CSMD1: variants seen among roughly 807,000 people sequenced by gnomAD.
The protein encoded by CSMD1 is CUB and Sushi multiple domains 1.
Under a neutral mutation model 417.5 loss-of-function variants are expected in CSMD1, and 213 were observed. The observed-to-expected ratio is 0.51, with a 90% CI of 0.46 to 0.57. CSMD1 has a LOEUF of 0.57. Among genes scored for constraint, CSMD1 ranks in the 20% least tolerant of loss-of-function variants. CSMD1 has a pLI of 0.00. For synonymous variants in CSMD1, 2,862 were observed against 1,736.8 expected (o/e 1.65, Z -16.11); for missense variants, 6,923 against 4,529.7 (o/e 1.53, Z -15.17).
At chr8:3,506,392 C>T (rs926962733) in intron 10 of CSMD1, among the ~76,000 whole-genome samples, 5 of 152,140 alleles carry the variant, frequency 3.3e-5, no homozygotes, top group Admixed American at 1.3e-4. Flanking sequence ...GGAGTAAACA[C>T]GTTTTTACAC....
intron 68 of CSMD1, 103 bp from the exon 69 acceptor site, chr8:2,942,707 C>A (rs571104487): frequency 2.4e-6 from 2 of 845,160 alleles, no homozygotes; most frequent in Non-Finnish European, 3.3e-6. Context: ...AAGAAGCAGA[C>A]GGAGTTGCCA....
chr8:3,780,022 G>C (rs1335895065), intron 5 of CSMD1, among the ~76,000 whole-genome samples: 1 of 152,112 alleles, frequency 6.6e-6, no homozygotes, highest in Non-Finnish European at 1.5e-5. Flanking sequence ...ACATGTTCCT[G>C]GTATTCACAC....
intron 3 of CSMD1, among the ~76,000 whole-genome samples, chr8:4,073,337 C>T (rs191862078): frequency 6.6e-6 from 1 of 152,032 alleles, no homozygotes; most frequent in Non-Finnish European, 1.5e-5. Flanking sequence ...ATTGTGAAAG[C>T]TGACAGTTCT....
At chr8:3,727,278 C>T (rs76698993) in intron 6 of CSMD1, among the ~76,000 whole-genome samples, 3,795 of 152,306 alleles carry the variant, frequency 0.025, 68 homozygotes, top group Non-Finnish European at 0.039. Flanking sequence ...TCTACATACA[C>T]ATACCTTTGA....
intron 3 of CSMD1, among the ~76,000 whole-genome samples, chr8:4,330,565 G>A (rs1235737145): frequency 6.7e-6 from 1 of 150,090 alleles, no homozygotes; most frequent in Non-Finnish European, 1.5e-5. Flanking sequence ...ACTTCAGCCT[G>A]GGCAACAGAG....
intron 8 of CSMD1, among the ~76,000 whole-genome samples, chr8:3,608,149 G>T (rs1268657623): frequency 2.0e-5 from 3 of 150,356 alleles, no homozygotes; most frequent in Admixed American, 2.0e-4. Flanking sequence ...CCTCCAGCCT[G>T]GGCAACAGAG....
intron 25 of CSMD1, among the ~76,000 whole-genome samples, chr8:3,299,827 A>C (rs941012828): frequency 2.0e-5 from 3 of 152,224 alleles, no homozygotes; most frequent in Non-Finnish European, 4.4e-5. Flanking sequence ...ACAGATTGTT[A>C]AGGACTGAAA....
intron 3 of CSMD1, among the ~76,000 whole-genome samples, chr8:4,074,920 C>A (rs920377257): frequency 6.6e-6 from 1 of 152,104 alleles, no homozygotes; most frequent in Non-Finnish European, 1.5e-5. Context: ...CTGGATAAGG[C>A]ACCACACTTT....
At chr8:3,029,279 G>C (rs747946899) in intron 51 of CSMD1, 40 bp downstream of exon 51, 4 of 1,533,278 alleles carry the variant, frequency 2.6e-6, no homozygotes, top group Non-Finnish European at 3.5e-6. Flanking sequence ...GAATAATCTA[G>C]GATGCCGTGA....
intron 1 of CSMD1, among the ~76,000 whole-genome samples, chr8:4,765,042 C>T (rs1015041935): frequency 1.3e-5 from 2 of 152,072 alleles, no homozygotes; most frequent in African/African-American, 2.4e-5. Flanking sequence ...CATGTTTTCG[C>T]ACCTATGTAG....
intron 2 of CSMD1, among the ~76,000 whole-genome samples, chr8:4,540,103 A>G (rs1797305073): frequency 6.6e-6 from 1 of 152,132 alleles, no homozygotes; most frequent in Non-Finnish European, 1.5e-5. Context: ...GACACCATAT[A>G]TAAGCCCTAT....
intron 2 of CSMD1, among the ~76,000 whole-genome samples, chr8:4,601,416 C>G (rs1800573417): frequency 6.6e-6 from 1 of 152,174 alleles, no homozygotes; most frequent in African/African-American, 2.4e-5. Context: ...TAGTTCTTCA[C>G]AGCCTCAGAC....
At chr8:3,425,565 G>C (rs1482606863) in intron 12 of CSMD1, among the ~76,000 whole-genome samples, 3 of 135,748 alleles carry the variant, frequency 2.2e-5, no homozygotes, top group Non-Finnish European at 4.6e-5. Flanking sequence ...TCTGGCCTGG[G>C]AGAGAGAGCA....
chr8:3,394,051 TATATAG>T lies in CSMD1; in HGVS notation c.2593+2137_2593+2142del, dbSNP rs1262362273. 1.7e-3 allele frequency among the ~76,000 whole-genome samples: 211 copies of T among 122,468 alleles called. 5 individuals carry two copies. The highest frequency in any genetic ancestry group is 4.1e-3 in the Middle Eastern group (1 of 242). 80.3% of individuals were successfully genotyped at this position (122,468 alleles called of 152,430 possible). The stretch of plus-strand genomic sequence containing the variant: ...ATATATATATATATATATATATATA[TATATAG>T]AAAAAAAGAAAAATGGCAAAGAGCT... On this transcript the variant is annotated intron_variant, in intron 17 of 69. Coordinates refer to ENST00000635120, the MANE Select transcript of CSMD1 (RefSeq NM_033225.6).
At chr8:3,701,790 T>C (rs929995413) in intron 7 of CSMD1, among the ~76,000 whole-genome samples, 2 of 152,162 alleles carry the variant, frequency 1.3e-5, no homozygotes, top group African/African-American at 4.8e-5. Context: ...TGTGGCCTTC[T>C]AAAAACAGAG....
chr8:4,200,949 C>A (rs1357754047), intron 3 of CSMD1, among the ~76,000 whole-genome samples: 5 of 152,132 alleles, frequency 3.3e-5, no homozygotes, highest in Admixed American at 1.3e-4. Flanking sequence ...ATCTCCATAA[C>A]TAAATGTCAG....
rs570899710 is a variant in CSMD1 at position 3,796,554 on chromosome 8, G to T, written c.819-42512C>A. 1.6e-3 allele frequency among the ~76,000 whole-genome samples: 220 copies of T among 141,922 alleles called. 2 individuals are homozygous for T. Among genetic ancestry groups the T allele is most frequent in the Non-Finnish European group, 2.9e-3 (191 of 65,718 alleles). 93.1% of individuals were successfully genotyped at this position (141,922 alleles called of 152,430 possible). ...AAGATATATATCTATATCCATACATGATAGATATATATCTATATCTAAGAT... is the reference window on the plus strand; with the variant it reads ...AAGATATATATCTATATCCATACATTATAGATATATATCTATATCTAAGAT... On this transcript the variant is annotated intron_variant, in intron 5 of 69. Transcript: ENST00000635120.
rs745355313 is a variant in CSMD1 at position 3,369,246 on chromosome 8, A to T, written c.2899+8T>A. ...TCTGTATGTTTGAGACCTATGATAGATTCTTACCTTTCCCATGAGACACTT... is the reference window on the plus strand; with the variant it reads ...TCTGTATGTTTGAGACCTATGATAGTTTCTTACCTTTCCCATGAGACACTT... On this transcript the variant is annotated splice_region_variant and intron_variant, in intron 19 of 69. Transcript: ENST00000635120. The T allele has an allele frequency of 3.4e-5, 47 of 1,375,036 alleles. No homozygotes were observed. In the South Asian group the frequency reaches 5.2e-4, roughly 15 times the overall value. The allele number at this position is 1,375,036 out of a possible 1,614,324, so 85.2% of individuals were successfully genotyped here. A position where few individuals can be genotyped will look rare whatever the true frequency, so the allele number is the denominator to read the frequency against.
intron 1 of CSMD1, among the ~76,000 whole-genome samples, chr8:4,773,110 A>C (rs913375710): frequency 6.6e-6 from 1 of 152,148 alleles, no homozygotes; most frequent in African/African-American, 2.4e-5. Flanking sequence ...GAATATTTGC[A>C]TATATATTAC....
Sources: allele counts gnomAD v4.1 joint callset (sites outside exome capture counted in the v4.1 genomes callset), GRCh38; gene constraint gnomAD v4.1.1; transcripts MANE v1.5; gene names NCBI Gene and HGNC (gene_info 2026-07-23, HGNC 2026-07-21).